PLCXD2: variants seen among roughly 807,000 people sequenced by gnomAD.
PLCXD2 encodes PI-PLC X domain-containing protein 2.
A neutral mutation model predicts 28.6 loss-of-function variants in PLCXD2; 21 were observed. The observed-to-expected ratio is 0.73, with a 90% CI of 0.52 to 1.06. The LOEUF is 1.06. Among genes scored for constraint, PLCXD2 ranks in the 50% least tolerant of loss-of-function variants. PLCXD2 has a pLI of 0.00. For synonymous variants in PLCXD2, 140 were observed against 150.1 expected (o/e 0.93, Z 0.49); for missense variants, 369 against 376.7 (o/e 0.98, Z 0.17).
chr3:111,679,955 C>G (rs992880397), intron 1 of PLCXD2, among the ~76,000 whole-genome samples: 1 of 152,188 alleles, frequency 6.6e-6, no homozygotes. Flanking sequence ...TTCCACTGAC[C>G]TGACCTGGTC....
intron 1 of PLCXD2, among the ~76,000 whole-genome samples, chr3:111,702,963 G>A (rs991193091): frequency 2.0e-5 from 3 of 152,110 alleles, no homozygotes; most frequent in African/African-American, 7.2e-5. Flanking sequence ...AGGAATGGGG[G>A]GACATTGTTA....
rs113976840 is a variant in PLCXD2, at chr3:111,703,216, G to A, written c.164-4710G>A. 9.4e-3 allele frequency among the ~76,000 whole-genome samples: 1,433 copies of A among 152,312 alleles called. 21 individuals are homozygous for A. Among genetic ancestry groups the A allele is most frequent in the South Asian group, 0.024 (118 of 4,824 alleles). ...CCTGTCCTGTAAAGGGGGTTGGAGG[G>A]ATGCAGGGATGGTGCTGGGCACAGG... On this transcript the variant is annotated intron_variant, in intron 1 of 4. Coordinates refer to ENST00000477665, the MANE Select transcript of PLCXD2 (RefSeq NM_001185106.1).
intron 1 of PLCXD2, among the ~76,000 whole-genome samples, chr3:111,679,117 G>T (rs1940672503): frequency 6.6e-6 from 1 of 152,028 alleles, no homozygotes; most frequent in South Asian, 2.1e-4. Flanking sequence ...TTAAACCAGA[G>T]ATATAAATAA....
chr3:111,704,919 G>A (rs1941096196), intron 1 of PLCXD2, among the ~76,000 whole-genome samples: 1 of 151,186 alleles, frequency 6.6e-6, no homozygotes, highest in South Asian at 2.1e-4. Flanking sequence ...TTCAAGTAAT[G>A]CTCACGCCTC....
intron 1 of PLCXD2, among the ~76,000 whole-genome samples, chr3:111,699,692 C>T (rs1941013810): frequency 6.6e-6 from 1 of 152,168 alleles, no homozygotes; most frequent in Non-Finnish European, 1.5e-5. Flanking sequence ...GACTTTGCTG[C>T]CACAGGGACT....
intron 1 of PLCXD2, among the ~76,000 whole-genome samples, chr3:111,692,282 A>G (rs1053318168): frequency 2.0e-5 from 3 of 152,180 alleles, no homozygotes; most frequent in Non-Finnish European, 4.4e-5. Context: ...TGACCTTGTG[A>G]TCCGCCCGCC....
chr3:111,675,123 G>GA lies in PLCXD2; in HGVS notation c.-120dup. The GA allele has an allele frequency of 1.7e-6, 2 of 1,207,384 alleles. No homozygotes were observed. Among genetic ancestry groups the GA allele is most frequent in the Non-Finnish European group, 2.3e-6 (2 of 851,168 alleles). 74.8% of individuals were successfully genotyped at this position (1,207,384 alleles called of 1,614,324 possible). ...ATCTGTTTGCCCCGTCCCCCAGCCA[G>GA]AAAGGCATTTTGGAAAGACTGGCGT... On this transcript the variant is annotated 5_prime_UTR_variant, in exon 1 of 5. Transcript: ENST00000477665.
chr3:111,678,991 C>T (rs1346528984), intron 1 of PLCXD2, among the ~76,000 whole-genome samples: 1 of 152,068 alleles, frequency 6.6e-6, no homozygotes, highest in Non-Finnish European at 1.5e-5. Flanking sequence ...TGAACTTTTA[C>T]CTCATCAGAC....
chr3:111,694,472 T>G (rs984062049), intron 1 of PLCXD2, among the ~76,000 whole-genome samples: 6 of 101,776 alleles, frequency 5.9e-5, no homozygotes, highest in Non-Finnish European at 8.9e-5. Context: ...TGAAGAGAGC[T>G]TTTTTTTTTT....
At chr3:111,683,915 G>C (rs775834486) in intron 1 of PLCXD2, among the ~76,000 whole-genome samples, 3 of 152,148 alleles carry the variant, frequency 2.0e-5, no homozygotes, top group African/African-American at 4.8e-5. Flanking sequence ...AATAAAATGA[G>C]TGAGGATCTT....
intron 1 of PLCXD2, among the ~76,000 whole-genome samples, chr3:111,687,198 T>C (rs554993227): frequency 2.4e-4 from 36 of 152,358 alleles, no homozygotes; most frequent in African/African-American, 7.9e-4. Flanking sequence ...TGAAAGACTT[T>C]CACTTAGGTG....
At chr3:111,713,806 C>G in intron 2 of PLCXD2, 81 bp from the exon 3 acceptor site, 1 of 1,453,410 alleles carries the variant, frequency 6.9e-7, no homozygotes, top group Non-Finnish European at 9.3e-7. Flanking sequence ...TGCCTTTTTC[C>G]TAGCAGTCCG....
In PLCXD2 at chr3:111,708,198, A is replaced by G. The variant is rs1407352650; in HGVS notation, c.436A>G (p.Ile146Val). The G allele has an allele frequency of 6.2e-6, 10 of 1,614,024 alleles. No homozygotes were observed. Among genetic ancestry groups the G allele is most frequent in the Admixed American group, 1.7e-5 (1 of 59,988 alleles). The change falls in exon 2 of 5, where the codon ATT becomes GTT. Residue 146 changes from isoleucine (I) to valine (V), a missense_variant. Coordinates refer to ENST00000477665, the MANE Select transcript of PLCXD2 (RefSeq NM_001185106.1). ...CAAGGTCTGGGATGGGCTGATGGAA[A>G]TTGACTCGTTTCTTACACAGCACCC... is the stretch of plus-strand genomic sequence containing the variant.
chr3:111,711,444 G>C (rs1339038723), intron 2 of PLCXD2, among the ~76,000 whole-genome samples: 1 of 152,146 alleles, frequency 6.6e-6, no homozygotes, highest in Non-Finnish European at 1.5e-5. Context: ...GCTAAACAAA[G>C]AGATTTCAAA....
rs1473839986 is a variant in PLCXD2, at chr3:111,674,685, C to A, written c.-561C>A. 2 of 152,492 alleles carry A rather than the reference C, an allele frequency of 1.3e-5. No homozygotes were observed. Among genetic ancestry groups the A allele is most frequent in the East Asian group, 1.9e-4 (1 of 5,194 alleles). The allele number at this position is 152,492 out of a possible 1,614,324, so 9.4% of individuals were successfully genotyped here. On this transcript the variant is annotated 5_prime_UTR_variant, in exon 1 of 5. Coordinates refer to ENST00000477665, the MANE Select transcript of PLCXD2 (RefSeq NM_001185106.1). ...AGTGCGGGGAGGGGCTGCTGGGAGT[C>A]CTGGTGCCGCCGGCTGCACTTCTGT...
chr3:111,675,066 T>TG lies in PLCXD2; in HGVS notation c.-176dup, dbSNP rs1940598623. The TG allele has an allele frequency of 3.1e-6, 2 of 636,480 alleles. No homozygotes were observed. The highest frequency in any genetic ancestry group is 5.4e-6 in the Non-Finnish European group (2 of 370,162). 39.4% of individuals were successfully genotyped at this position (636,480 alleles called of 1,614,324 possible). On this transcript the variant is annotated 5_prime_UTR_variant, in exon 1 of 5. Coordinates refer to ENST00000477665, the MANE Select transcript of PLCXD2 (RefSeq NM_001185106.1). ...GGAGCGGAGGCTGGGCCGGAGAGAG[T>TG]GGGGACTGTGAGTGCTAGTGGGTAA...
Position 111,719,268 on chromosome 3 carries a change from C to T in PLCXD2, c.866+5140C>T, listed in dbSNP as rs377157084. ...TAGAATCTGTAAAAATTAAGGAATTCGGCTCATGAAAATATGTCACTGAGA... is the reference window on the plus strand; with the variant it reads ...TAGAATCTGTAAAAATTAAGGAATTTGGCTCATGAAAATATGTCACTGAGA... On this transcript the variant is annotated intron_variant, in intron 3 of 4. Coordinates refer to ENST00000477665, the MANE Select transcript of PLCXD2 (RefSeq NM_001185106.1). 2.4e-4 allele frequency among the ~76,000 whole-genome samples: 37 copies of T among 152,194 alleles called. No homozygotes were observed. In the East Asian group the frequency reaches 4.4e-3, roughly 18 times the overall value.
At chr3:111,698,446 G>C (rs968319944) in intron 1 of PLCXD2, among the ~76,000 whole-genome samples, 4 of 152,218 alleles carry the variant, frequency 2.6e-5, no homozygotes, top group Non-Finnish European at 5.9e-5. Context: ...CACTAAGTTA[G>C]GTGTTAGGAC....
intron 1 of PLCXD2, among the ~76,000 whole-genome samples, chr3:111,689,530 G>T (rs889621766): frequency 6.6e-6 from 1 of 152,160 alleles, no homozygotes; most frequent in African/African-American, 2.4e-5. Flanking sequence ...CCTTCGCTTT[G>T]CCTCGCCAAT....
Sources: allele counts gnomAD v4.1 joint callset (sites outside exome capture counted in the v4.1 genomes callset), GRCh38; gene constraint gnomAD v4.1.1; transcripts MANE v1.5; gene names NCBI Gene and HGNC (gene_info 2026-07-23, HGNC 2026-07-21).